SZT2: variants seen among roughly 807,000 people sequenced by gnomAD.
The protein encoded by SZT2 is KICSTOR complex protein SZT2.
Under a neutral mutation model 404.2 loss-of-function variants are expected in SZT2, and 216 were observed. The observed-to-expected ratio is 0.53, with a 90% CI of 0.48 to 0.60. The LOEUF is 0.60. Ranked by LOEUF, SZT2 falls within the 20% of genes least tolerant of loss-of-function variation. SZT2 has a pLI of 0.00. For missense variants in SZT2, 3,857 were observed against 4,459.2 expected (o/e 0.86, Z 3.85); for synonymous variants, 1,693 against 1,749.9 (o/e 0.97, Z 0.81).
chr1:43,397,422 T>TCCATCTCTCCATC (rs1469713691), intron 1 of SZT2, among the ~76,000 whole-genome samples: 1 of 149,982 alleles, frequency 6.7e-6, no homozygotes, highest in East Asian at 2.0e-4. Flanking sequence ...CGAGACTCCA[T>TCCATCTCTCCATC]TTCAAAAAAA....
At position 43,422,219 on chromosome 1, in the gene SZT2, A is replaced by G. The variant is rs755704456; in HGVS notation, c.1763A>G (p.His588Arg). 2 of 1,582,474 alleles carry G rather than the reference A, an allele frequency of 1.3e-6. No individual in the cohort carries two copies. The highest frequency in any genetic ancestry group is 1.1e-5 in the South Asian group (1 of 90,172). Residue 588 changes from histidine (H) to arginine (R), a missense_variant, in exon 12 of 72, where the codon CAT becomes CGT. His to Arg is a conservative substitution (Grantham distance 29, BLOSUM62 0). Coordinates refer to ENST00000634258, the MANE Select transcript of SZT2 (RefSeq NM_001365999.1). Reference sequence around the variant, plus strand: ...CATCGCCTGGTGCTAATCCTGGAGCATGACACGTGGGTGCCCTTAGGGCTG... The same window carrying G: ...CATCGCCTGGTGCTAATCCTGGAGCGTGACACGTGGGTGCCCTTAGGGCTG... Reference protein sequence around the residue: ...HMHRLVLILEHDTPIPKHLHT... With the variant: ...HMHRLVLILERDTPIPKHLHT...
At chr1:43,414,520 C>G (rs1475219347) in intron 4 of SZT2, among the ~76,000 whole-genome samples, 2 of 151,928 alleles carry the variant, frequency 1.3e-5, no homozygotes, top group Non-Finnish European at 2.9e-5. Context: ...CTTCCAGGTC[C>G]CAGTTAAGCA....
chr1:43,404,628 C>A (rs1032229756), intron 4 of SZT2, 78 bp downstream of exon 4: 1 of 1,470,002 alleles, frequency 6.8e-7, no homozygotes, highest in Non-Finnish European at 9.2e-7. Flanking sequence ...TATCCTGTCT[C>A]TGCTGTTTGT....
chr1:43,404,990 G>A (rs1650127209), intron 4 of SZT2: 1 of 153,256 alleles, frequency 6.5e-6, no homozygotes, highest in Non-Finnish European at 1.5e-5. Flanking sequence ...CAAGGATAGA[G>A]GAGGGTCATT....
intron 4 of SZT2, chr1:43,410,131 G>C (rs1272353953): frequency 6.6e-6 from 1 of 152,126 alleles, no homozygotes; most frequent in Non-Finnish European, 1.5e-5. Context: ...ATTTTTGACA[G>C]ATGCCAAGAA....
At chr1:43,410,545 ACT>A (rs1650900444) in intron 4 of SZT2, 1 of 118,710 alleles carries the variant, frequency 8.4e-6, no homozygotes. Flanking sequence ...ACAGAGTAAG[ACT>A]CTGTCTCAAA....
Position 43,424,426 on chromosome 1 carries a change from T to A in SZT2, c.2465T>A (p.Leu822His), listed in dbSNP as rs1652892273. 5 of 1,597,534 alleles carry A rather than the reference T, an allele frequency of 3.1e-6. No homozygotes were observed. The highest frequency in any genetic ancestry group is 4.2e-6 in the Non-Finnish European group (5 of 1,179,468). ...LSAIAQLLSI[L>H]TEVRLSEGFH... ...GCCATTGCCCAGCTCCTCTCCATCCTCACTGAGTATGTCATCCAAGCCTGC... is the reference window on the plus strand; with the variant it reads ...GCCATTGCCCAGCTCCTCTCCATCCACACTGAGTATGTCATCCAAGCCTGC... The change falls in exon 16 of 72, where the codon CTC (leucine) becomes CAC (histidine). Residue 822 changes from leucine (L) to histidine (H), a missense_variant. This residue lies in a region of SZT2 where 1,725 missense variants were observed against 1,881.0 expected (regional missense o/e 0.92). Coordinates refer to ENST00000634258, the MANE Select transcript of SZT2 (RefSeq NM_001365999.1). This position sits in a 1 kb window ranked among gnomAD's most constrained non-coding sequence, Gnocchi z 4.1.
At chr1:43,443,924 C>T (rs1570725442) in intron 62 of SZT2, 128 bp downstream of exon 62, 1 of 1,153,894 alleles carries the variant, frequency 8.7e-7, no homozygotes, top group Non-Finnish European at 1.2e-6. Flanking sequence ...GTTTATCCCA[C>T]CAGGCTTGCA....
chr1:43,413,082 A>G (rs1026130064), intron 4 of SZT2, among the ~76,000 whole-genome samples: 6 of 152,190 alleles, frequency 3.9e-5, no homozygotes, highest in Non-Finnish European at 7.3e-5. Context: ...TACAACCACT[A>G]TGAAGAACAG....
Position 43,422,217 on chromosome 1 carries a change from G to A in SZT2, c.1761G>A (p.Glu587=), listed in dbSNP as rs1421438228. Residue 587 remains glutamate, a synonymous_variant, in exon 12 of 72, where the codon GAG becomes GAA. Transcript: ENST00000634258. ...TGCATCGCCTGGTGCTAATCCTGGA[G>A]CATGACACGTGGGTGCCCTTAGGGC... ...LHMHRLVLIL[E]HDTPIPKHLH... is the part of the protein sequence containing the mutation. 2 of 1,583,830 alleles carry A rather than the reference G, an allele frequency of 1.3e-6. No individual in the cohort carries two copies. Among genetic ancestry groups the A allele is most frequent in the Admixed American group, 1.7e-5 (1 of 59,382 alleles).
chr1:43,426,730 T>C lies in SZT2; in HGVS notation c.3230T>C (p.Leu1077Pro), dbSNP rs200084982. The stretch of plus-strand genomic sequence containing the variant: ...CCCATTGTAGGTGCCGAGGGGCCAC[T>C]GCTGGGGGTTCATGGGATCCCGAAG... ...TCHVPGAEGP[L>P]LGVHGIPKEQ... The change falls in exon 23 of 72, where the codon CTG becomes CCG. Residue 1077 changes from leucine to proline, a missense_variant. Transcript: ENST00000634258. The surrounding 1 kb of genome is among the most constrained non-coding windows in gnomAD (Gnocchi z 4.9). The C allele has an allele frequency of 3.1e-5, 50 of 1,612,354 alleles. No individual in the cohort carries two copies. The highest frequency in any genetic ancestry group is 1.6e-4 in the Middle Eastern group (1 of 6,078).
Position 43,419,858 on chromosome 1 carries a change from A to C in SZT2, c.1004A>C (p.Asn335Thr). ...ACTTGTCCTGAGCCGGAGCCAGGCA[A>C]CCTGGGTCTGACTGTCTACCACCGG... ...LSTCPEPEPG[N>T]LGLTVYHRAF... The change falls in exon 8 of 72, where the codon AAC becomes ACC. Residue 335 changes from asparagine (N) to threonine (T), a missense_variant. Asn to Thr is a moderately conservative substitution (Grantham distance 65, BLOSUM62 0). This residue lies in a region of SZT2 where 536 missense variants were observed against 637.4 expected (regional missense o/e 0.84). Transcript: ENST00000634258. The C allele has an allele frequency of 6.3e-7, 1 of 1,598,304 alleles. No individual in the cohort carries two copies. The highest frequency in any genetic ancestry group is 1.1e-5 in the South Asian group (1 of 91,066).
chr1:43,451,274 G>A lies in SZT2; in HGVS notation c.*794G>A, dbSNP rs769300467. The A allele has an allele frequency of 1.2e-6, 2 of 1,614,090 alleles. No individual in the cohort carries two copies. The highest frequency in any genetic ancestry group is 2.2e-5 in the South Asian group (2 of 91,084). Reference sequence around the variant, plus strand: ...CCTCTGGGTGGCCCCGCCTATCCCAGTATGAACGTAGCCAACTCAAGCCCT... The same window carrying A: ...CCTCTGGGTGGCCCCGCCTATCCCAATATGAACGTAGCCAACTCAAGCCCT... On this transcript the variant is annotated 3_prime_UTR_variant, in exon 72 of 72. Transcript: ENST00000634258.
Position 43,450,531 on chromosome 1 carries a change from C to G in SZT2, c.*51C>G. 1 of 1,608,450 alleles carries G rather than the reference C, an allele frequency of 6.2e-7. No individual in the cohort carries two copies. Among genetic ancestry groups the G allele is most frequent in the Non-Finnish European group, 8.5e-7 (1 of 1,176,338 alleles). On this transcript the variant is annotated 3_prime_UTR_variant, in exon 72 of 72. Transcript: ENST00000634258. The surrounding 1 kb of genome is among the most constrained non-coding windows in gnomAD (Gnocchi z 4.3). ...CACTGTTCCTTGAATCATGGGCCTACCAGATTGCCTGCCAGAGGCAGGACT... is the reference window on the plus strand; with the variant it reads ...CACTGTTCCTTGAATCATGGGCCTAGCAGATTGCCTGCCAGAGGCAGGACT...
chr1:43,397,813 G>A (rs908971429), intron 1 of SZT2, among the ~76,000 whole-genome samples: 5 of 152,186 alleles, frequency 3.3e-5, no homozygotes, highest in Admixed American at 3.3e-4. Context: ...ACAGGTGTGA[G>A]CCACTACGCC....
At position 43,427,168 on chromosome 1, in the gene SZT2, C is replaced by G; in HGVS notation, c.3422C>G (p.Ala1141Gly). 1 of 1,614,210 alleles carries G rather than the reference C, an allele frequency of 6.2e-7. No individual in the cohort carries two copies. Among genetic ancestry groups the G allele is most frequent in the South Asian group, 1.1e-5 (1 of 91,080 alleles). ...CATGTGTTTCTGACTTTTCTCCCAG[C>G]TACCTTCTCAGGTGCCAGCTGCTGA... ...PQHVFLTFLP[A>G]TFSDVQRLAA... is the part of the protein sequence containing the mutation. The change falls in exon 24 of 72, where the codon GCT becomes GGT. Residue 1141 changes from alanine to glycine, a missense_variant. Ala to Gly is a moderately conservative substitution (Grantham distance 60). Around this residue, in one of 7 missense-constraint regions of SZT2, gnomAD observed 1,725 missense variants for 1,881.0 expected, o/e 0.92. Transcript: ENST00000634258.
At chr1:43,397,434 AAAAAG>A (rs1168956629) in intron 1 of SZT2, among the ~76,000 whole-genome samples, 2 of 151,522 alleles carry the variant, frequency 1.3e-5, no homozygotes, top group South Asian at 4.2e-4. Context: ...TCAAAAAAAA[AAAAAG>A]AAAAGAAACA....
rs1363490111 is a variant in SZT2 at position 43,453,674 on chromosome 1, CG to C, written c.*3196del. The C allele has an allele frequency of 6.8e-7, 1 of 1,470,570 alleles. No homozygotes were observed. Among genetic ancestry groups the C allele is most frequent in the Non-Finnish European group, 8.9e-7 (1 of 1,119,588 alleles). 91.1% of individuals were successfully genotyped at this position (1,470,570 alleles called of 1,614,324 possible). A position where few individuals can be genotyped will look rare whatever the true frequency, so the allele number is the denominator to read the frequency against. On this transcript the variant is annotated 3_prime_UTR_variant, in exon 72 of 72. Transcript: ENST00000634258. ...CCAGCGCCTCAGGCGTCTCCGCGTA[CG>C]GCCAGGCCACCTCGACGGCCTCGAA...
rs1451943103 is a variant in SZT2 at position 43,446,331 on chromosome 1, C to T, written c.8998-11C>T. 1.2e-6 allele frequency: 2 copies of T among 1,614,136 alleles called. No homozygotes were observed. The highest frequency in any genetic ancestry group is 1.7e-6 in the Non-Finnish European group (2 of 1,180,058). Reference sequence around the variant, plus strand: ...CTCGCCTTCCTGATCTCATCTTCACCTTCCCTCCAGGGCTGTTACTTCTGT... The same window carrying T: ...CTCGCCTTCCTGATCTCATCTTCACTTTCCCTCCAGGGCTGTTACTTCTGT... On this transcript the variant is annotated splice_polypyrimidine_tract_variant and intron_variant, in intron 64 of 71. Transcript: ENST00000634258.
Sources: allele counts gnomAD v4.1 joint callset (sites outside exome capture counted in the v4.1 genomes callset), GRCh38; gene constraint gnomAD v4.1.1; regional missense constraint gnomAD v4.1.1; non-coding constraint Gnocchi (gnomAD v3.1); transcripts MANE v1.5; gene names NCBI Gene and HGNC (gene_info 2026-07-23, HGNC 2026-07-21).